Variants in HPSE observed in about 807,000 individuals in gnomAD.
HPSE encodes the protein endo-glucoronidase.
In HPSE, 48 loss-of-function variants were observed where a neutral mutation model predicts 65.1. The ratio of observed to expected loss-of-function variants is 0.74; its 90% CI spans 0.58 to 0.94. HPSE has a LOEUF of 0.94. HPSE is among the 40% of genes least tolerant of loss of function. The probability of loss-of-function intolerance (pLI) is 0.00; values close to 1 mark genes in which losing one functional copy is unlikely to be tolerated. For missense variants in HPSE, 644 were observed against 637.5 expected (o/e 1.01, Z -0.11); for synonymous variants, 243 against 260.0 (o/e 0.93, Z 0.63).
At chr4:83,298,145 G>A (rs922510430) in intron 11 of HPSE, among the ~76,000 whole-genome samples, 3 of 152,190 alleles carry the variant, frequency 2.0e-5, no homozygotes, top group Admixed American at 2.0e-4. Context: ...TGGGCAATGA[G>A]GGTGGGGTTT....
chr4:83,320,080 G>T (rs2126193739), intron 2 of HPSE, among the ~76,000 whole-genome samples: 1 of 137,756 alleles, frequency 7.3e-6, no homozygotes, highest in South Asian at 2.5e-4. Flanking sequence ...CTCTAATGAA[G>T]AAAACATAGT....
chr4:83,331,968 A>G (rs951342587), intron 1 of HPSE, among the ~76,000 whole-genome samples: 5 of 152,146 alleles, frequency 3.3e-5, no homozygotes, highest in African/African-American at 1.2e-4. Flanking sequence ...CACTTTCTTC[A>G]TTTTTAAAAT....
intron 11 of HPSE, among the ~76,000 whole-genome samples, chr4:83,299,531 TA>T (rs1735860677): frequency 6.6e-6 from 1 of 151,598 alleles, no homozygotes; most frequent in Non-Finnish European, 1.5e-5. Flanking sequence ...GGGGAAAAAA[TA>T]AAAGAGCAGT....
At chr4:83,329,786 A>T (rs1737295204) in intron 1 of HPSE, among the ~76,000 whole-genome samples, 1 of 152,162 alleles carries the variant, frequency 6.6e-6, no homozygotes, top group Admixed American at 6.6e-5. Flanking sequence ...GGTGACTTGA[A>T]GTCATCTAGG....
rs376051430 is a variant in HPSE at position 83,334,669 on chromosome 4, G to T, written c.114C>A (p.Val38=). 8.2e-6 allele frequency: 13 copies of T among 1,576,978 alleles called. No homozygotes were observed. In the South Asian group the frequency reaches 1.5e-4, roughly 18 times the overall value. ...CCTGGGTGAAGAAGTCCAGGTCCAC[G>T]ACGTCCTGTGCTTGCGCAGGTCGGG... ...ALPRPAQAQD[V]VDLDFFTQEP... Residue 38 remains valine (V), a synonymous_variant, in exon 1 of 12, where the codon GTC becomes GTA. Coordinates refer to ENST00000311412, the MANE Select transcript of HPSE (RefSeq NM_001098540.3).
At position 83,323,645 on chromosome 4, in the gene HPSE, C is replaced by T. The variant is rs542230373; in HGVS notation, c.228-1281G>A. Among the ~76,000 whole-genome samples, 17 of 152,246 alleles carry T rather than the reference C, an allele frequency of 1.1e-4. 1 individual carries two copies. Among genetic ancestry groups the T allele is most frequent in the South Asian group, 6.2e-4 (3 of 4,808 alleles). On this transcript the variant is annotated intron_variant, in intron 1 of 11. Coordinates refer to ENST00000311412, the MANE Select transcript of HPSE (RefSeq NM_001098540.3). ...AACTCCTGCCTCCCTTCACCATTCC[C>T]CACCAAGGAAAATCATTCTTTTGTA...
Position 83,325,130 on chromosome 4 carries a change from GGTGTGTGTGTGTGTGTGTGTGT to G in HPSE, c.228-2788_228-2767del, listed in dbSNP as rs70949703. ...CGTTATATTTTAAATTATACAACTT[GGTGTGTGTGTGTGTGTGTGTGT>G]GTGTGTGTGTGTGTGTGTGTGTGTG... On this transcript the variant is annotated intron_variant, in intron 1 of 11. Transcript: ENST00000311412. Among the ~76,000 whole-genome samples the G allele has an allele frequency of 1.1e-3, 151 of 134,266 alleles. 1 individual carries two copies. In the East Asian group the frequency reaches 0.016, roughly 14 times the overall value. The allele number at this position is 134,266 out of a possible 152,430, so 88.1% of individuals were successfully genotyped here. A position where few individuals can be genotyped will look rare whatever the true frequency, so the allele number is the denominator to read the frequency against.
rs1176810906 is a variant in HPSE at position 83,293,473 on chromosome 4, G to A, written c.*1871C>T. On this transcript the variant is annotated 3_prime_UTR_variant, in exon 12 of 12. Transcript: ENST00000311412. ...GCTGGGAAGAACCCAGATCCCTGGT[G>A]ACGTACTGAAGTGCTGGAGCCTGGC... is the stretch of plus-strand genomic sequence containing the variant. 6.6e-6 allele frequency: 1 copy of A among 152,244 alleles called. No individual in the cohort carries two copies. The highest frequency in any genetic ancestry group is 1.9e-4 in the East Asian group (1 of 5,206). The allele number at this position is 152,244 out of a possible 1,614,324, so 9.4% of individuals were successfully genotyped here. A position where few individuals can be genotyped will look rare whatever the true frequency, so the allele number is the denominator to read the frequency against.
At position 83,300,949 on chromosome 4, in the gene HPSE, A is replaced by T; in HGVS notation, c.1472+11T>A. Reference sequence around the variant, plus strand: ...ATTGAAAGTTTGGAATGAACAAGGAAAATTACTTACTTGGAAAGTAATCCA... The same window carrying T: ...ATTGAAAGTTTGGAATGAACAAGGATAATTACTTACTTGGAAAGTAATCCA... On this transcript the variant is annotated intron_variant, in intron 11 of 11. Coordinates refer to ENST00000311412, the MANE Select transcript of HPSE (RefSeq NM_001098540.3). 6.4e-7 allele frequency: 1 copy of T among 1,566,978 alleles called. No homozygotes were observed. The highest frequency in any genetic ancestry group is 8.7e-7 in the Non-Finnish European group (1 of 1,153,632).
At chr4:83,295,929 T>C (rs1735706556) in intron 11 of HPSE, among the ~76,000 whole-genome samples, 1 of 152,220 alleles carries the variant, frequency 6.6e-6, no homozygotes, top group Non-Finnish European at 1.5e-5. Context: ...TTTTTATGAA[T>C]TTAGCATAAA....
At chr4:83,302,676 G>A (rs1407394549) in intron 9 of HPSE, among the ~76,000 whole-genome samples, 1 of 152,130 alleles carries the variant, frequency 6.6e-6, no homozygotes, top group Non-Finnish European at 1.5e-5. Flanking sequence ...TCTGTTTAGA[G>A]ACAAATAATT....
At chr4:83,315,477 G>A (rs577256884) in intron 3 of HPSE, among the ~76,000 whole-genome samples, 22 of 152,186 alleles carry the variant, frequency 1.4e-4, no homozygotes, top group Non-Finnish European at 2.6e-4. Context: ...CCAATATCAC[G>A]CAGCCGTTTG....
At chr4:83,318,336 G>A (rs992828502) in intron 3 of HPSE, among the ~76,000 whole-genome samples, 1 of 151,974 alleles carries the variant, frequency 6.6e-6, no homozygotes, top group African/African-American at 2.4e-5. Context: ...AGTTAAAAAA[G>A]GATTGTGGCC....
At position 83,313,130 on chromosome 4, in the gene HPSE, A is replaced by G. The variant is rs149226745; in HGVS notation, c.657T>C (p.Ser219=). ...GGTACTCACCATTGCCTAGTTCCCAAGAAATGTTATACCCCTTGGAAGAGC... is the reference window on the plus strand; with the variant it reads ...GGTACTCACCATTGCCTAGTTCCCAGGAAATGTTATACCCCTTGGAAGAGC... The part of the protein sequence containing the change: ...DYCSSKGYNI[S]WELGNEPNSF... Residue 219 remains serine, a synonymous_variant, in exon 4 of 12, where the codon TCT becomes TCC. Coordinates refer to ENST00000311412, the MANE Select transcript of HPSE (RefSeq NM_001098540.3). 16 of 1,612,852 alleles carry G rather than the reference A, an allele frequency of 9.9e-6. No individual in the cohort carries two copies. Among genetic ancestry groups the G allele is most frequent in the Middle Eastern group, 1.7e-4 (1 of 6,058 alleles).
In HPSE at chr4:83,324,113, C is replaced by CTTTTTTTTTTTTTT. The variant is rs398051210; in HGVS notation, c.228-1763_228-1750dup. 8.2e-4 allele frequency among the ~76,000 whole-genome samples: 61 copies of CTTTTTTTTTTTTTT among 74,748 alleles called. 1 individual carries two copies. The highest frequency in any genetic ancestry group is 0.01 in the Middle Eastern group (1 of 98). The allele number at this position is 74,748 out of a possible 152,430, so 49.0% of individuals were successfully genotyped here. On this transcript the variant is annotated intron_variant, in intron 1 of 11. Coordinates refer to ENST00000311412, the MANE Select transcript of HPSE (RefSeq NM_001098540.3). The stretch of plus-strand genomic sequence containing the variant: ...CTGATTGCCAATACTTCTTCTTCTT[C>CTTTTTTTTTTTTTT]TTTTTTTTTTTTTTTTTTTTTTTTT...
At chr4:83,308,774 C>G (rs1000618549) in intron 8 of HPSE, 71 bp downstream of exon 8, 9 of 1,151,976 alleles carry the variant, frequency 7.8e-6, no homozygotes, top group Non-Finnish European at 1.2e-5. Context: ...GGCTGGGGAG[C>G]TATTTCAGCA....
At chr4:83,317,843 T>C (rs1736712455) in intron 3 of HPSE, among the ~76,000 whole-genome samples, 1 of 152,238 alleles carries the variant, frequency 6.6e-6, no homozygotes, top group South Asian at 2.1e-4. Flanking sequence ...ACTTCTGTGG[T>C]TCTCTGGTAT....
intron 9 of HPSE, among the ~76,000 whole-genome samples, chr4:83,305,671 A>G (rs1736122824): frequency 6.6e-6 from 1 of 152,190 alleles, no homozygotes; most frequent in Non-Finnish European, 1.5e-5. Flanking sequence ...ACATTTCCTG[A>G]TTTAGCACCA....
intron 11 of HPSE, among the ~76,000 whole-genome samples, chr4:83,296,908 A>G (rs1374790737): frequency 2.6e-5 from 4 of 152,136 alleles, no homozygotes; most frequent in African/African-American, 9.7e-5. Context: ...TCTTTCATCT[A>G]TTTTTTGTGT....
Sources: allele counts gnomAD v4.1 joint callset (sites outside exome capture counted in the v4.1 genomes callset), GRCh38; gene constraint gnomAD v4.1.1; transcripts MANE v1.5; gene names NCBI Gene and HGNC (gene_info 2026-07-23, HGNC 2026-07-21).